HDAC4: variants seen among roughly 807,000 people sequenced by gnomAD.
The protein encoded by HDAC4 is histone deacetylase 4.
In HDAC4, 16 loss-of-function variants were observed where a neutral mutation model predicts 135.1. That is an observed-to-expected ratio of 0.12 (90% CI 0.08 to 0.18). The LOEUF is 0.18. Among genes scored for constraint, HDAC4 ranks in the 10% least tolerant of loss-of-function variants. HDAC4 has a pLI of 1.00. For missense variants in HDAC4, 1,143 were observed against 1,511.8 expected, an observed-to-expected ratio of 0.76 and a Z score of 4.05; for synonymous variants, 685 against 653.4, an observed-to-expected ratio of 1.05 and a Z score of -0.74.
At chr2:239,102,978 C>T (rs1235968052) in intron 15 of HDAC4, 82 bp from the exon 16 acceptor site, 1 of 1,563,692 alleles carries the variant, frequency 6.4e-7, no homozygotes, top group East Asian at 2.2e-5. Flanking sequence ...CCAACTGAAA[C>T]CATTGCCCAA....
At position 239,073,983 on chromosome 2, in the gene HDAC4, A is replaced by AG. The variant is rs747036178; in HGVS notation, c.2751-5377dup. On this transcript the variant is annotated intron_variant, in intron 22 of 26. Coordinates refer to ENST00000543185, the MANE Select transcript of HDAC4 (RefSeq NM_001378414.1). ...AGGACTGAGGGGGGCCGCAGGACTG[A>AG]GGGGGCCGCAGGACTGAGGGGGGCA... Among the ~76,000 whole-genome samples, 50 of 146,376 alleles carry AG rather than the reference A, an allele frequency of 3.4e-4. No homozygotes were observed. In the South Asian group the frequency reaches 0.01, roughly 30 times the overall value.
At chr2:239,312,110 T>C (rs2052909147) in intron 2 of HDAC4, among the ~76,000 whole-genome samples, 1 of 152,200 alleles carries the variant, frequency 6.6e-6, no homozygotes, top group Admixed American at 6.5e-5. Flanking sequence ...CTGACATCAC[T>C]GTCACCATCA....
chr2:239,072,331 C>T (rs2034282901), intron 22 of HDAC4, among the ~76,000 whole-genome samples: 2 of 152,166 alleles, frequency 1.3e-5, no homozygotes, highest in South Asian at 4.1e-4. Flanking sequence ...TTAAAAGTCT[C>T]CTGGTATTTC....
At position 239,156,768 on chromosome 2, in the gene HDAC4, G is replaced by A. The variant is rs1232273029; in HGVS notation, c.617C>T (p.Thr206Met). 4 of 1,614,096 alleles carry A rather than the reference G, an allele frequency of 2.5e-6. No individual in the cohort carries two copies. Among genetic ancestry groups the A allele is most frequent in the Non-Finnish European group, 2.5e-6 (3 of 1,180,014 alleles). ...SSDPRYWYGK[T>M]QHSSLDQSSP... ...ACTCTGGTCAAGGGAACTGTGCTGC[G>A]TTTTCCTGGAGAGAAGGCAAAGACA... The change falls in exon 7 of 27, where the codon ACG becomes ATG. Residue 206 changes from threonine to methionine, a missense_variant. Thr to Met is a moderately conservative substitution (Grantham distance 81, BLOSUM62 -1). Coordinates refer to ENST00000543185, the MANE Select transcript of HDAC4 (RefSeq NM_001378414.1).
At chr2:239,255,278 G>T (rs1468705002) in intron 2 of HDAC4, among the ~76,000 whole-genome samples, 1 of 148,934 alleles carries the variant, frequency 6.7e-6, no homozygotes, top group Non-Finnish European at 1.5e-5. Context: ...GAGACTATGT[G>T]TAATCTTGTT....
At chr2:239,191,859 GA>G (rs2044982721) in intron 3 of HDAC4, among the ~76,000 whole-genome samples, 1 of 152,248 alleles carries the variant, frequency 6.6e-6, no homozygotes, top group African/African-American at 2.4e-5. Flanking sequence ...CCTGGACAGT[GA>G]AAAGACACAA....
intron 3 of HDAC4, among the ~76,000 whole-genome samples, chr2:239,230,832 G>C (rs1247851554): frequency 6.6e-6 from 1 of 152,180 alleles, no homozygotes. Flanking sequence ...ACACGTCCTT[G>C]CAGATTTGTA....
chr2:239,192,768 C>A (rs2045085247), intron 3 of HDAC4, among the ~76,000 whole-genome samples: 1 of 152,162 alleles, frequency 6.6e-6, no homozygotes, highest in Admixed American at 6.5e-5. Context: ...GGTGAGCGGG[C>A]CCGTGCTTTC....
At chr2:239,116,745 C>T (rs1360568469) in intron 12 of HDAC4, among the ~76,000 whole-genome samples, 2 of 152,232 alleles carry the variant, frequency 1.3e-5, no homozygotes, top group Non-Finnish European at 2.9e-5. Flanking sequence ...CTGCAGCCTC[C>T]CTGCCACCCT....
In HDAC4 at chr2:239,303,977, C is replaced by T. The variant is rs1027414973; in HGVS notation, c.22+48701G>A. Among the ~76,000 whole-genome samples the T allele has an allele frequency of 1.3e-5, 2 of 152,170 alleles. No individual in the cohort carries two copies. The highest frequency in any genetic ancestry group is 2.9e-5 in the Non-Finnish European group (2 of 68,038). On this transcript the variant is annotated intron_variant, in intron 2 of 26. Coordinates refer to ENST00000543185, the MANE Select transcript of HDAC4 (RefSeq NM_001378414.1). The surrounding 1 kb of genome is among the most constrained non-coding windows in gnomAD (Gnocchi z 5.1). ...GGCCTCACCAGTCTTCATCTCAGCC[C>T]GCCAGGTCCTCTCGAGCCCCTGGAG...
At chr2:239,340,184 A>G (rs1567975) in intron 2 of HDAC4, among the ~76,000 whole-genome samples, 152,311 of 152,312 alleles carry the variant, frequency 1, 76,155 homozygotes, top group Non-Finnish European at 1. Context: ...AGCCTCAGCT[A>G]CACCAAGCCA....
At chr2:239,249,459 A>C (rs2048657620) in intron 2 of HDAC4, among the ~76,000 whole-genome samples, 1 of 152,222 alleles carries the variant, frequency 6.6e-6, no homozygotes, top group South Asian at 2.1e-4. Flanking sequence ...AGTGGGGAGA[A>C]GCAAGCCGGA....
chr2:239,191,563 A>T (rs74003752), intron 3 of HDAC4, among the ~76,000 whole-genome samples: 4,651 of 152,272 alleles, frequency 0.031, 236 homozygotes, highest in African/African-American at 0.11. Context: ...TCCTGAGAAA[A>T]GGGTGGGAAA....
At chr2:239,208,799 A>C (rs1268484528) in intron 3 of HDAC4, among the ~76,000 whole-genome samples, 1 of 152,072 alleles carries the variant, frequency 6.6e-6, no homozygotes, top group Non-Finnish European at 1.5e-5. Flanking sequence ...CATAAGAAAC[A>C]AAAAAAATAC....
chr2:239,386,291 G>T (rs932290385), intron 1 of HDAC4, among the ~76,000 whole-genome samples: 4 of 152,102 alleles, frequency 2.6e-5, no homozygotes, highest in Non-Finnish European at 4.4e-5. Context: ...ATGCTCAAAC[G>T]GAATTAGAGG....
intron 3 of HDAC4, among the ~76,000 whole-genome samples, chr2:239,228,443 T>C (rs1391713125): frequency 2.0e-5 from 3 of 152,098 alleles, no homozygotes; most frequent in Non-Finnish European, 4.4e-5. Flanking sequence ...GGGGTGCAAA[T>C]ACAGGCTGTG....
intron 2 of HDAC4, among the ~76,000 whole-genome samples, chr2:239,265,180 T>G (rs993893593): frequency 1.3e-5 from 2 of 152,096 alleles, no homozygotes. Flanking sequence ...AACCCCCAAG[T>G]GACAAGCAGG....
chr2:239,275,897 C>T (rs1171953501), intron 2 of HDAC4, among the ~76,000 whole-genome samples: 1 of 152,182 alleles, frequency 6.6e-6, no homozygotes, highest in East Asian at 1.9e-4. Flanking sequence ...AGATGAAGCT[C>T]CTCTGTCGCC....
intron 1 of HDAC4, among the ~76,000 whole-genome samples, chr2:239,383,138 G>C (rs1375789558): frequency 1.3e-5 from 2 of 152,276 alleles, no homozygotes; most frequent in Middle Eastern, 3.4e-3. Context: ...TCCAGTTCAC[G>C]GATCTCACCC....
Sources: allele counts gnomAD v4.1 joint callset (sites outside exome capture counted in the v4.1 genomes callset), GRCh38; gene constraint gnomAD v4.1.1; non-coding constraint Gnocchi (gnomAD v3.1); transcripts MANE v1.5; gene names NCBI Gene and HGNC (gene_info 2026-07-23, HGNC 2026-07-21).